Variants in CPSF6 observed in about 807,000 individuals in gnomAD.
The protein encoded by CPSF6 is cleavage and polyadenylation specificity factor subunit 6.
Under a neutral mutation model 56.7 loss-of-function variants are expected in CPSF6, and 10 were observed. That is an observed-to-expected ratio of 0.18 (90% CI 0.11 to 0.30). The LOEUF is 0.30. Among genes scored for constraint, CPSF6 ranks in the 10% least tolerant of loss-of-function variants. The pLI is 1.00. For missense variants in CPSF6, 419 were observed against 722.9 expected (o/e 0.58, Z 4.82); for synonymous variants, 248 against 244.8 (o/e 1.01, Z -0.12).
In CPSF6 at chr12:69,266,189, C is replaced by T. The variant is rs530869599; in HGVS notation, c.*4-3323C>T. ...TAAGATTTTAAAATTGTTTCTGCAG[C>T]TCTTAGGTTATCTGAGGTCTGCGTT... On this transcript the variant is annotated intron_variant, in intron 9 of 9. Transcript: ENST00000435070. 3.3e-5 allele frequency among the ~76,000 whole-genome samples: 5 copies of T among 151,930 alleles called. No homozygotes were observed. The South Asian group carries it at 1.0e-3, about 31-fold the overall frequency.
Position 69,257,757 on chromosome 12 carries a change from G to A in CPSF6, c.546G>A (p.Gly182=), listed in dbSNP as rs563617358. 7 of 1,612,002 alleles carry A rather than the reference G, an allele frequency of 4.3e-6. No individual in the cohort carries two copies. In the African/African-American group the frequency reaches 8.0e-5, roughly 18 times the overall value. The part of the protein sequence containing the change: ...RKTTQSGQMS[G]EGKAGPPGGS... ...CTACACAATCAGGACAAATGTCTGG[G>A]GAAGGTAAAGCTGGTCCTCCAGGAG... Residue 182 remains glycine (G), a synonymous_variant, in exon 5 of 10, where the codon GGG becomes GGA. Transcript: ENST00000435070.
chr12:69,264,654 A>T (rs1872889851), intron 9 of CPSF6, among the ~76,000 whole-genome samples: 1 of 152,176 alleles, frequency 6.6e-6, no homozygotes, highest in Non-Finnish European at 1.5e-5. Flanking sequence ...CCTTCATCCA[A>T]GAAAAATTTT....
chr12:69,242,956 A>C (rs1222962258), intron 1 of CPSF6, among the ~76,000 whole-genome samples: 1 of 152,008 alleles, frequency 6.6e-6, no homozygotes, highest in East Asian at 1.9e-4. Context: ...CAAAATACAA[A>C]AATTGGCCGA....
intron 8 of CPSF6, among the ~76,000 whole-genome samples, 157 bp downstream of exon 8, chr12:69,260,354 T>C (rs1240765775): frequency 6.6e-6 from 1 of 150,814 alleles, no homozygotes; most frequent in Admixed American, 6.6e-5. Flanking sequence ...AGTTGCTTGC[T>C]TAAAACCCTT....
Position 69,258,544 on chromosome 12 carries a change from T to C in CPSF6, c.695-46T>C, listed in dbSNP as rs758192092. On this transcript the variant is annotated intron_variant, in intron 5 of 9. Coordinates refer to ENST00000435070, the MANE Select transcript of CPSF6 (RefSeq NM_007007.3). This position sits in a 1 kb window ranked among gnomAD's most constrained non-coding sequence, Gnocchi z 4.2. Reference sequence around the variant, plus strand: ...TTGGCATATAAAAGTTAAAATATCTTATTAGTGAAGTGTTTTTTTTTCTCT... The same window carrying C: ...TTGGCATATAAAAGTTAAAATATCTCATTAGTGAAGTGTTTTTTTTTCTCT... 6.7e-7 allele frequency: 1 copy of C among 1,501,352 alleles called. No individual in the cohort carries two copies. The highest frequency in any genetic ancestry group is 8.8e-7 in the Non-Finnish European group (1 of 1,134,332). 93.0% of individuals were successfully genotyped at this position (1,501,352 alleles called of 1,614,324 possible).
intron 6 of CPSF6, 139 bp downstream of exon 6, chr12:69,259,233 G>T: frequency 8.0e-7 from 1 of 1,242,272 alleles, no homozygotes; most frequent in Non-Finnish European, 1.1e-6. Context: ...CCCTGTTTTA[G>T]CTGAAAGATA....
intron 1 of CPSF6, among the ~76,000 whole-genome samples, chr12:69,244,963 G>A (rs1175263109): frequency 1.3e-5 from 2 of 151,982 alleles, no homozygotes; most frequent in East Asian, 3.9e-4. Flanking sequence ...ATGATTAAAA[G>A]TATGGTATAG....
chr12:69,250,183 C>T (rs1592796873), intron 1 of CPSF6, among the ~76,000 whole-genome samples: 1 of 151,394 alleles, frequency 6.6e-6, no homozygotes, highest in Admixed American at 6.6e-5. Context: ...TTTTTTAATA[C>T]TGGTAGCTTC....
chr12:69,255,488 A>G (rs891205463), intron 3 of CPSF6, among the ~76,000 whole-genome samples: 1 of 152,232 alleles, frequency 6.6e-6, no homozygotes, highest in African/African-American at 2.4e-5. Flanking sequence ...GTGCCATTTT[A>G]TTAATACGTG....
chr12:69,260,828 G>A (rs534175840), intron 8 of CPSF6, among the ~76,000 whole-genome samples: 1 of 152,034 alleles, frequency 6.6e-6, no homozygotes, highest in Non-Finnish European at 1.5e-5. Flanking sequence ...ACCCAGGCTG[G>A]TCCTGAACTC....
intron 3 of CPSF6, among the ~76,000 whole-genome samples, chr12:69,253,973 A>G (rs1368384046): frequency 1.3e-5 from 2 of 152,156 alleles, no homozygotes; most frequent in Non-Finnish European, 2.9e-5. Context: ...CTTATTTCTT[A>G]TATTGCTTAC....
intron 9 of CPSF6, among the ~76,000 whole-genome samples, chr12:69,268,443 A>G (rs191482191): frequency 1.3e-5 from 2 of 151,826 alleles, no homozygotes; most frequent in Admixed American, 6.6e-5. Flanking sequence ...AGGAAAGGAC[A>G]TAATAGAAAA....
chr12:69,257,984 T>A, intron 5 of CPSF6, 79 bp downstream of exon 5: 1 of 1,547,958 alleles, frequency 6.5e-7, no homozygotes, highest in Non-Finnish European at 8.9e-7. Context: ...TTTCAAGTAA[T>A]GCATTATTAA....
intron 1 of CPSF6, among the ~76,000 whole-genome samples, chr12:69,244,379 A>G (rs1871781037): frequency 6.6e-6 from 1 of 151,956 alleles, no homozygotes; most frequent in African/African-American, 2.4e-5. Context: ...ACTCACCACC[A>G]TGCCTGCCTA....
chr12:69,243,693 GC>G (rs1871742016), intron 1 of CPSF6, among the ~76,000 whole-genome samples: 1 of 152,196 alleles, frequency 6.6e-6, no homozygotes, highest in Non-Finnish European at 1.5e-5. Flanking sequence ...ATTGGAAGTT[GC>G]TCTGGGAGAG....
intron 9 of CPSF6, among the ~76,000 whole-genome samples, chr12:69,269,226 C>T (rs1873135540): frequency 6.6e-6 from 1 of 151,750 alleles, no homozygotes; most frequent in Non-Finnish European, 1.5e-5. Context: ...TTTCCATCAT[C>T]ACAGAAACAG....
intron 9 of CPSF6, among the ~76,000 whole-genome samples, chr12:69,264,422 C>G (rs991385915): frequency 1.3e-5 from 2 of 152,080 alleles, no homozygotes; most frequent in African/African-American, 4.8e-5. Flanking sequence ...ACCAAGTAAA[C>G]AAAGTCCATT....
At chr12:69,240,691 C>T (rs559235541) in intron 1 of CPSF6, among the ~76,000 whole-genome samples, 1 of 150,534 alleles carries the variant, frequency 6.6e-6, no homozygotes, top group Admixed American at 6.6e-5. Flanking sequence ...ATCCCCCCAC[C>T]CCCACCCCCG....
Position 69,259,732 on chromosome 12 carries a change from A to T in CPSF6, c.1315+189A>T, listed in dbSNP as rs140742601. 5.3e-5 allele frequency among the ~76,000 whole-genome samples: 8 copies of T among 152,316 alleles called. No individual in the cohort carries two copies. In the East Asian group the frequency reaches 1.3e-3, roughly 26 times the overall value. On this transcript the variant is annotated intron_variant, in intron 7 of 9. Coordinates refer to ENST00000435070, the MANE Select transcript of CPSF6 (RefSeq NM_007007.3). ...TCACAGTGTAGTGGGGAAAATCCAA[A>T]TTTTAAGTTATTTGGTATAGATTTA...
Sources: allele counts gnomAD v4.1 joint callset (sites outside exome capture counted in the v4.1 genomes callset), GRCh38; gene constraint gnomAD v4.1.1; non-coding constraint Gnocchi (gnomAD v3.1); transcripts MANE v1.5; gene names NCBI Gene and HGNC (gene_info 2026-07-23, HGNC 2026-07-21).